The following PDE1A variants were observed in gnomAD, a reference collection of about 807,000 sequenced individuals.
The protein encoded by PDE1A is dual specificity calcium/calmodulin-dependent 3',5'-cyclic nucleotide phosphodiesterase 1A.
Under a neutral mutation model 61.7 loss-of-function variants are expected in PDE1A, and 35 were observed. The observed-to-expected ratio is 0.57, with a 90% confidence interval of 0.43 to 0.75. PDE1A has a LOEUF of 0.75. Ranked by LOEUF, PDE1A falls within the 30% of genes least tolerant of loss-of-function variation. PDE1A has a pLI of 0.00. For missense variants in PDE1A, 597 were observed against 630.6 expected (o/e 0.95, Z 0.57); for synonymous variants, 232 against 213.2 (o/e 1.09, Z -0.77).
the PDE1A span, among the ~76,000 whole-genome samples, chr2:182,662,554 T>C: frequency 6.6e-6 from 1 of 152,122 alleles, no homozygotes; most frequent in Admixed American, 6.6e-5. Context: ...AACTGTCTGA[T>C]CTTTGACAAA....
Position 182,234,509 on chromosome 2 carries a change from C to T in PDE1A, c.351-11G>A. On this transcript the variant is annotated splice_polypyrimidine_tract_variant and intron_variant, in intron 3 of 13. Transcript: ENST00000351439. Reference sequence around the variant, plus strand: ...GTTTTTCGGTACATTCTAAAAAAGACAAAAATAAGTGTAAATATAAAATTC... The same window carrying T: ...GTTTTTCGGTACATTCTAAAAAAGATAAAAATAAGTGTAAATATAAAATTC... The T allele has an allele frequency of 6.6e-7, 1 of 1,526,418 alleles. No homozygotes were observed. The highest frequency in any genetic ancestry group is 9.0e-7 in the Non-Finnish European group (1 of 1,108,636). 94.6% of individuals were successfully genotyped at this position (1,526,418 alleles called of 1,614,324 possible). A position where few individuals can be genotyped will look rare whatever the true frequency, so the allele number is the denominator to read the frequency against.
chr2:182,413,832 A>G (rs982120515), intron 1 of PDE1A, among the ~76,000 whole-genome samples: 2 of 152,108 alleles, frequency 1.3e-5, no homozygotes, highest in African/African-American at 4.8e-5. Context: ...TAGGGTGCAC[A>G]TATGTGTGTG....
At chr2:182,260,927 G>A (rs1692178546) in intron 2 of PDE1A, among the ~76,000 whole-genome samples, 1 of 152,130 alleles carries the variant, frequency 6.6e-6, no homozygotes, top group Non-Finnish European at 1.5e-5. Context: ...TCAACTCCCT[G>A]TCTTCCCTTT....
At chr2:182,618,883 A>G in the PDE1A span, among the ~76,000 whole-genome samples, 2 of 152,158 alleles carry the variant, frequency 1.3e-5, no homozygotes, top group African/African-American at 4.8e-5. Flanking sequence ...GACAACCTCA[A>G]AGAAAGTCTC....
At chr2:182,272,746 T>A in intron 1 of PDE1A, among the ~76,000 whole-genome samples, 1 of 152,106 alleles carries the variant, frequency 6.6e-6, no homozygotes, top group East Asian at 1.9e-4. Flanking sequence ...ACTGATAGAA[T>A]GTTTGGAAAT....
At chr2:182,683,906 G>A in the PDE1A span, among the ~76,000 whole-genome samples, 1 of 152,006 alleles carries the variant, frequency 6.6e-6, no homozygotes, top group Non-Finnish European at 1.5e-5. Context: ...GATCACCTGA[G>A]GTCAGGAGAT....
intron 2 of PDE1A, among the ~76,000 whole-genome samples, chr2:182,513,762 G>A: frequency 6.6e-6 from 1 of 152,202 alleles, no homozygotes; most frequent in South Asian, 2.1e-4. Flanking sequence ...GATCTATCAA[G>A]CAAACAGAAA....
chr2:182,660,728 G>A, the PDE1A span, among the ~76,000 whole-genome samples: 13 of 152,282 alleles, frequency 8.5e-5, no homozygotes, highest in East Asian at 2.3e-3. Flanking sequence ...CATGGACATC[G>A]GTCCTGGAGC....
the PDE1A span, among the ~76,000 whole-genome samples, chr2:182,596,184 C>G: frequency 1.4e-4 from 22 of 152,342 alleles, no homozygotes; most frequent in East Asian, 3.7e-3. Context: ...AAGGTACATT[C>G]TTTGGTACGC....
chr2:182,183,853 G>A (rs969962413), intron 13 of PDE1A, among the ~76,000 whole-genome samples: 1 of 151,806 alleles, frequency 6.6e-6, no homozygotes, highest in East Asian at 1.9e-4. Context: ...ATTGAAAAAA[G>A]TAGCTGAGAT....
In PDE1A at chr2:182,194,961, A is replaced by G. The variant is rs1686018640; in HGVS notation, c.1126-5901T>C. Among the ~76,000 whole-genome samples, 2 of 149,204 alleles carry G rather than the reference A, an allele frequency of 1.3e-5. 1 individual carries two copies. Among genetic ancestry groups the G allele is most frequent in the Admixed American group, 1.4e-4 (2 of 14,588 alleles). On this transcript the variant is annotated intron_variant, in intron 10 of 13. Coordinates refer to ENST00000351439, the Ensembl canonical transcript of PDE1A. ...TTGCTCTTGAAAAATTCTAAAAATC[A>G]GCTCTTTCCTTTGCTACTTTTCTGA...
At chr2:182,646,623 G>A in the PDE1A span, among the ~76,000 whole-genome samples, 4 of 151,800 alleles carry the variant, frequency 2.6e-5, no homozygotes. Context: ...GGCGGAGGTT[G>A]CAGTGAGCCG....
intron 1 of PDE1A, among the ~76,000 whole-genome samples, chr2:182,282,937 G>T (rs1405140736): frequency 6.6e-6 from 1 of 151,970 alleles, no homozygotes. Flanking sequence ...TAGCCATACT[G>T]TTGAATCACA....
At chr2:182,200,001 G>A (rs1477952576) in intron 10 of PDE1A, among the ~76,000 whole-genome samples, 2 of 150,882 alleles carry the variant, frequency 1.3e-5, no homozygotes, top group Admixed American at 6.6e-5. Flanking sequence ...AGACAGAAAC[G>A]TGAGTCATCC....
intron 2 of PDE1A, 29 bp downstream of exon 2, chr2:182,264,272 A>C (rs1390308275): frequency 2.1e-6 from 3 of 1,426,902 alleles, no homozygotes; most frequent in South Asian, 2.4e-5. Context: ...GAATCAAAGA[A>C]GATAAAAGAG....
intron 1 of PDE1A, among the ~76,000 whole-genome samples, chr2:182,392,682 A>G (rs1187154334): frequency 6.6e-6 from 1 of 152,276 alleles, no homozygotes; most frequent in Non-Finnish European, 1.5e-5. Flanking sequence ...TAATGAGGGC[A>G]CAGGCATTGG....
chr2:182,504,609 C>T (rs1237931357), intron 2 of PDE1A, among the ~76,000 whole-genome samples: 6 of 152,156 alleles, frequency 3.9e-5, no homozygotes, highest in Non-Finnish European at 8.8e-5. Context: ...TTGTGAATTT[C>T]ATTTTGGAAC....
chr2:182,681,796 C>G, the PDE1A span, among the ~76,000 whole-genome samples: 1 of 152,220 alleles, frequency 6.6e-6, no homozygotes, highest in African/African-American at 2.4e-5. Context: ...CAGGCGCCCG[C>G]CACCTCGCCC....
chr2:182,293,307 C>T (rs1232800306), intron 1 of PDE1A, among the ~76,000 whole-genome samples: 1 of 152,070 alleles, frequency 6.6e-6, no homozygotes. Context: ...ATCATTAAAA[C>T]TTACATTCAA....
Sources: allele counts gnomAD v4.1 joint callset (sites outside exome capture counted in the v4.1 genomes callset), GRCh38; gene constraint gnomAD v4.1.1; transcripts MANE v1.5; gene names NCBI Gene and HGNC (gene_info 2026-07-23, HGNC 2026-07-21).